The following NEMP2 variants were observed in gnomAD, a reference collection of about 807,000 sequenced individuals.
NEMP2 encodes nuclear envelope integral membrane protein 2.
Under a neutral mutation model 54.2 loss-of-function variants are expected in NEMP2, and 53 were observed. The ratio of observed to expected loss-of-function variants is 0.98; its 90% CI spans 0.78 to 1.23. NEMP2 has a LOEUF of 1.23. NEMP2 is among the 50% of genes most tolerant of loss of function. The pLI is 0.00. For synonymous variants in NEMP2, 197 were observed against 190.3 expected (o/e 1.04, Z -0.29); for missense variants, 455 against 511.3 (o/e 0.89, Z 1.06).
chr2:190,434,390 A>G, the NEMP2 span, among the ~76,000 whole-genome samples: 2,856 of 152,162 alleles, frequency 0.019, 37 homozygotes, highest in Non-Finnish European at 0.029. This position sits in a 1 kb window ranked among gnomAD's most constrained non-coding sequence, Gnocchi z 4.3. Flanking sequence ...ATTTATATAA[A>G]TGTATATTGC....
chr2:190,565,901 A>G, the NEMP2 span, among the ~76,000 whole-genome samples: 1 of 152,218 alleles, frequency 6.6e-6, no homozygotes, highest in Non-Finnish European at 1.5e-5. Context: ...ACTTCCAGCC[A>G]CCAGAACTGT....
At chr2:190,622,676 T>C in the NEMP2 span, among the ~76,000 whole-genome samples, 3 of 152,126 alleles carry the variant, frequency 2.0e-5, no homozygotes, top group African/African-American at 4.8e-5. Flanking sequence ...TAAAAAACTT[T>C]TGTGCTTCAA....
At chr2:190,597,991 G>A in the NEMP2 span, among the ~76,000 whole-genome samples, 1 of 152,104 alleles carries the variant, frequency 6.6e-6, no homozygotes, top group Non-Finnish European at 1.5e-5. The surrounding 1 kb of genome is among the most constrained non-coding windows in gnomAD (Gnocchi z 4.7). Context: ...GTGTTTCTCA[G>A]TCTCTGAACT....
In NEMP2 at chr2:190,519,028, T is replaced by C. The variant is rs1024795818; in HGVS notation, c.369A>G (p.Pro123=). The C allele has an allele frequency of 1.3e-6, 2 of 1,551,356 alleles. No individual in the cohort carries two copies. Among genetic ancestry groups the C allele is most frequent in the East Asian group, 4.9e-5 (2 of 40,896 alleles). ...ESNEITIIIN[P]YRETVCFSVE... ...CAGAGAAGCACACAGTCTCCCTGTATGGATTGATGATTATGGTTATTTCGT... is the reference window on the plus strand; with the variant it reads ...CAGAGAAGCACACAGTCTCCCTGTACGGATTGATGATTATGGTTATTTCGT... Residue 123 remains proline (P), a synonymous_variant, in exon 3 of 9, where the codon CCA becomes CCG. Coordinates refer to ENST00000409150, the MANE Select transcript of NEMP2 (RefSeq NM_001142645.2). This position sits in a 1 kb window ranked among gnomAD's most constrained non-coding sequence, Gnocchi z 5.4.
downstream of NEMP2, chr2:190,500,204 G>A (rs751664393): frequency 2.5e-5 from 41 of 1,614,028 alleles, no homozygotes; most frequent in Admixed American, 5.0e-5. This position sits in a 1 kb window ranked among gnomAD's most constrained non-coding sequence, Gnocchi z 5.3. Flanking sequence ...TCAGCTGGCC[G>A]CGGGAGGACA....
At chr2:190,563,429 G>A in the NEMP2 span, among the ~76,000 whole-genome samples, 1 of 152,076 alleles carries the variant, frequency 6.6e-6, no homozygotes, top group Non-Finnish European at 1.5e-5. The surrounding 1 kb of genome is among the most constrained non-coding windows in gnomAD (Gnocchi z 4.3). Flanking sequence ...GTAGTGGCGG[G>A]GTGAGGGAGA....
At chr2:190,448,098 T>C in the NEMP2 span, among the ~76,000 whole-genome samples, 5 of 152,132 alleles carry the variant, frequency 3.3e-5, no homozygotes, top group East Asian at 9.6e-4. Flanking sequence ...ACAAACACCA[T>C]GTGTACTGTA....
Position 190,525,408 on chromosome 2 carries a change from T to C in NEMP2, c.98-30A>G. On this transcript the variant is annotated intron_variant, in intron 1 of 8. Transcript: ENST00000409150. This position sits in a 1 kb window ranked among gnomAD's most constrained non-coding sequence, Gnocchi z 5.0. ...GAGATGGAAAAGGGAATGCATTTTC[T>C]AACTGTTTAATTGCCCAGAATCTTT... The C allele has an allele frequency of 7.8e-6, 10 of 1,278,704 alleles. No homozygotes were observed. The highest frequency in any genetic ancestry group is 9.9e-6 in the Non-Finnish European group (9 of 912,280). The allele number at this position is 1,278,704 out of a possible 1,614,324, so 79.2% of individuals were successfully genotyped here. A position where few individuals can be genotyped will look rare whatever the true frequency, so the allele number is the denominator to read the frequency against.
the NEMP2 span, among the ~76,000 whole-genome samples, chr2:190,600,012 T>C: frequency 6.6e-6 from 1 of 152,206 alleles, no homozygotes; most frequent in African/African-American, 2.4e-5. This position sits in a 1 kb window ranked among gnomAD's most constrained non-coding sequence, Gnocchi z 4.9. Flanking sequence ...AGTGCCATCC[T>C]AGCTGCCCCT....
chr2:190,499,489 T>C (rs1379370054), downstream of NEMP2, among the ~76,000 whole-genome samples: 2 of 152,252 alleles, frequency 1.3e-5, no homozygotes, highest in East Asian at 1.9e-4. This position sits in a 1 kb window ranked among gnomAD's most constrained non-coding sequence, Gnocchi z 6.0. Flanking sequence ...TTCTGTCTTA[T>C]CTAACTTTTG....
At chr2:190,607,364 A>G in the NEMP2 span, among the ~76,000 whole-genome samples, 3 of 152,218 alleles carry the variant, frequency 2.0e-5, no homozygotes, top group Non-Finnish European at 4.4e-5. This position sits in a 1 kb window ranked among gnomAD's most constrained non-coding sequence, Gnocchi z 5.2. Flanking sequence ...GTAAGGCTCA[A>G]CTGCGTTTGC....
chr2:190,584,939 G>GAAAA, the NEMP2 span, among the ~76,000 whole-genome samples: 10 of 146,026 alleles, frequency 6.8e-5, no homozygotes, highest in African/African-American at 2.4e-4. This position sits in a 1 kb window ranked among gnomAD's most constrained non-coding sequence, Gnocchi z 4.2. Flanking sequence ...AAGAAAGAAA[G>GAAAA]AAAGAAAGAA....
chr2:190,593,978 AC>A, the NEMP2 span, among the ~76,000 whole-genome samples: 59 of 152,266 alleles, frequency 3.9e-4, no homozygotes, highest in Middle Eastern at 0.02. This position sits in a 1 kb window ranked among gnomAD's most constrained non-coding sequence, Gnocchi z 4.5. Context: ...TCACTTCTCC[AC>A]CTGTAACTCA....
At chr2:190,564,474 C>G in the NEMP2 span, among the ~76,000 whole-genome samples, 1 of 152,208 alleles carries the variant, frequency 6.6e-6, no homozygotes, top group Admixed American at 6.5e-5. This position sits in a 1 kb window ranked among gnomAD's most constrained non-coding sequence, Gnocchi z 4.2. Flanking sequence ...AATACAACTA[C>G]TCTTTCCTTT....
At chr2:190,485,424 A>G in the NEMP2 span, among the ~76,000 whole-genome samples, 1 of 152,296 alleles carries the variant, frequency 6.6e-6, no homozygotes. This position sits in a 1 kb window ranked among gnomAD's most constrained non-coding sequence, Gnocchi z 5.1. Flanking sequence ...TCGGTAATTC[A>G]TCTTTAAGAA....
At chr2:190,490,489 G>A in the NEMP2 span, among the ~76,000 whole-genome samples, 1 of 152,184 alleles carries the variant, frequency 6.6e-6, no homozygotes, top group Admixed American at 6.5e-5. The surrounding 1 kb of genome is among the most constrained non-coding windows in gnomAD (Gnocchi z 4.5). Flanking sequence ...CGTGAACCCA[G>A]GAGGTGGAGC....
In NEMP2 at chr2:190,525,907, T is replaced by C. The variant is rs1690915929; in HGVS notation, c.98-529A>G. On this transcript the variant is annotated intron_variant, in intron 1 of 8. Transcript: ENST00000409150. The surrounding 1 kb of genome is among the most constrained non-coding windows in gnomAD (Gnocchi z 5.0). Reference sequence around the variant, plus strand: ...CACCTGTAGCTGGAGTGGTAAACCATAGCTACTACTATACCATGTGGACTC... The same window carrying C: ...CACCTGTAGCTGGAGTGGTAAACCACAGCTACTACTATACCATGTGGACTC... Among the ~76,000 whole-genome samples, 1 of 152,208 alleles carries C rather than the reference T, an allele frequency of 6.6e-6. No individual in the cohort carries two copies. The highest frequency in any genetic ancestry group is 2.1e-4 in the South Asian group (1 of 4,836).
chr2:190,603,709 C>T, the NEMP2 span, among the ~76,000 whole-genome samples: 6 of 151,420 alleles, frequency 4.0e-5, no homozygotes, highest in African/African-American at 1.5e-4. Context: ...CCTCTTAGAA[C>T]AAAGTCAACA....
chr2:190,638,253 T>G, the NEMP2 span, among the ~76,000 whole-genome samples: 1 of 152,192 alleles, frequency 6.6e-6, no homozygotes, highest in African/African-American at 2.4e-5. The surrounding 1 kb of genome is among the most constrained non-coding windows in gnomAD (Gnocchi z 5.7). Flanking sequence ...TGCCTCTGAT[T>G]GTCCTCACAT....
Sources: gnomAD v4.1 joint callset for allele counts (sites outside exome capture counted in the v4.1 genomes callset) on GRCh38, gnomAD v4.1.1 for gene constraint, Gnocchi (gnomAD v3.1) non-coding constraint, MANE v1.5 for transcripts, NCBI Gene and HGNC (gene_info 2026-07-23, HGNC 2026-07-21) for gene names.